FARS2: variants seen among roughly 807,000 people sequenced by gnomAD.
FARS2 encodes phenylalanyl-tRNA synthetase 2, mitochondrial, also known as phenylalanine--tRNA ligase, mitochondrial.
Under a neutral mutation model 46.4 loss-of-function variants are expected in FARS2, and 40 were observed. The observed-to-expected ratio is 0.86, with a 90% confidence interval of 0.67 to 1.12. The LOEUF is 1.12. Ranked by LOEUF, FARS2 falls within the 50% of genes most tolerant of loss-of-function variation. FARS2 has a pLI of 0.00. For missense variants in FARS2, 513 were observed against 567.9 expected, an observed-to-expected ratio of 0.90 and a Z score of 0.98; for synonymous variants, 234 against 214.9, an observed-to-expected ratio of 1.09 and a Z score of -0.78.
intron 6 of FARS2, among the ~76,000 whole-genome samples, chr6:5,680,434 A>G (rs1778975757): frequency 6.6e-6 from 1 of 152,220 alleles, no homozygotes; most frequent in African/African-American, 2.4e-5. Flanking sequence ...CATCTCTATC[A>G]ACAACACAGG....
intron 6 of FARS2, among the ~76,000 whole-genome samples, chr6:5,758,009 G>C (rs1020753854): frequency 1.3e-5 from 2 of 152,314 alleles, no homozygotes; most frequent in East Asian, 3.9e-4. Flanking sequence ...TGTTATGTTA[G>C]CTCTTCAGGT....
At chr6:5,632,472 C>T (rs561886752) in intron 6 of FARS2, among the ~76,000 whole-genome samples, 169 of 152,184 alleles carry the variant, frequency 1.1e-3, no homozygotes, top group African/African-American at 3.9e-3. Context: ...CTTAATGTAA[C>T]GACCACCGCT....
rs866603315 is a variant in FARS2 at position 5,299,108 on chromosome 6, G to A, written c.-22+37448G>A. On this transcript the variant is annotated intron_variant, in intron 1 of 6. Transcript: ENST00000274680. Reference sequence around the variant, plus strand: ...AGCCTTGCGTTTTGGAAGATAAAGAGCAACTGTTTGCTTGCCTAGATTTCA... The same window carrying A: ...AGCCTTGCGTTTTGGAAGATAAAGAACAACTGTTTGCTTGCCTAGATTTCA... Among the ~76,000 whole-genome samples, 3 of 152,160 alleles carry A rather than the reference G, an allele frequency of 2.0e-5. No homozygotes were observed. The South Asian group carries it at 6.2e-4, about 32-fold the overall frequency.
chr6:5,567,578 A>G (rs1035286998), intron 5 of FARS2, among the ~76,000 whole-genome samples: 1 of 152,222 alleles, frequency 6.6e-6, no homozygotes, highest in African/African-American at 2.4e-5. Flanking sequence ...TCTTCTAGAT[A>G]CATATCTATT....
chr6:5,622,422 C>G (rs1179180472), intron 6 of FARS2, among the ~76,000 whole-genome samples: 2 of 152,212 alleles, frequency 1.3e-5, no homozygotes. Flanking sequence ...ATAGTAAGTG[C>G]TATGGTTTGA....
At chr6:5,689,153 C>G (rs910634748) in intron 6 of FARS2, among the ~76,000 whole-genome samples, 2 of 152,172 alleles carry the variant, frequency 1.3e-5, no homozygotes, top group Non-Finnish European at 1.5e-5. Context: ...AAAAAACCAG[C>G]TCCTGGGTTC....
chr6:5,273,440 T>C (rs1766105792), intron 1 of FARS2, among the ~76,000 whole-genome samples: 1 of 152,218 alleles, frequency 6.6e-6, no homozygotes, highest in African/African-American at 2.4e-5. Context: ...TTTTCATGTA[T>C]CTACTGGCCA....
At chr6:5,399,754 T>A (rs186268664) in intron 2 of FARS2, among the ~76,000 whole-genome samples, 4 of 152,220 alleles carry the variant, frequency 2.6e-5, no homozygotes, top group African/African-American at 4.8e-5. Context: ...TTGCCTTTTT[T>A]ATTTATCAGG....
Position 5,576,476 on chromosome 6 carries a change from T to C in FARS2, c.1065+31136T>C, listed in dbSNP as rs184949460. On this transcript the variant is annotated intron_variant, in intron 5 of 6. Transcript: ENST00000274680. ...GCACTCGTACTGGCTTTCGTGCTCCTCAGCTTGCACATGGCCTATTTTGGG... is the reference window on the plus strand; with the variant it reads ...GCACTCGTACTGGCTTTCGTGCTCCCCAGCTTGCACATGGCCTATTTTGGG... 5.9e-5 allele frequency among the ~76,000 whole-genome samples: 9 copies of C among 151,952 alleles called. No homozygotes were observed. The East Asian group carries it at 1.7e-3, about 29-fold the overall frequency.
chr6:5,622,005 A>G (rs904330302), intron 6 of FARS2, among the ~76,000 whole-genome samples: 28 of 152,252 alleles, frequency 1.8e-4, no homozygotes, highest in African/African-American at 6.8e-4. Flanking sequence ...TTCATTATCC[A>G]GTGCAAATTC....
intron 1 of FARS2, among the ~76,000 whole-genome samples, chr6:5,354,198 C>G (rs1757768863): frequency 6.6e-6 from 1 of 152,010 alleles, no homozygotes; most frequent in East Asian, 1.9e-4. Flanking sequence ...AGGTCTTTAC[C>G]CAATTTCATT....
At chr6:5,388,470 TAATAA>T (rs1441587867) in intron 2 of FARS2, among the ~76,000 whole-genome samples, 2 of 152,212 alleles carry the variant, frequency 1.3e-5, no homozygotes, top group Admixed American at 6.5e-5. Flanking sequence ...CCATCGCCAG[TAATAA>T]AATAGTTCTC....
At chr6:5,735,996 C>A (rs1163373417) in intron 6 of FARS2, among the ~76,000 whole-genome samples, 1 of 152,142 alleles carries the variant, frequency 6.6e-6, no homozygotes. Context: ...AATGAATTAC[C>A]CCCCAAAACA....
intron 6 of FARS2, among the ~76,000 whole-genome samples, chr6:5,660,848 C>T (rs1468120667): frequency 6.6e-6 from 1 of 152,160 alleles, no homozygotes; most frequent in Non-Finnish European, 1.5e-5. Flanking sequence ...GAGGCTGAAA[C>T]GGGGCTGAGG....
chr6:5,755,263 A>AC (rs1253364448), intron 6 of FARS2, among the ~76,000 whole-genome samples: 2 of 152,160 alleles, frequency 1.3e-5, no homozygotes, highest in African/African-American at 4.8e-5. Flanking sequence ...GTTTTCTTAC[A>AC]CATGCCATGG....
chr6:5,288,921 A>G (rs928411858), intron 1 of FARS2, among the ~76,000 whole-genome samples: 10 of 152,188 alleles, frequency 6.6e-5, no homozygotes, highest in Non-Finnish European at 1.0e-4. Context: ...TTGTAAACAT[A>G]TATAGCTGTA....
At chr6:5,325,081 G>T (rs1217165093) in intron 1 of FARS2, among the ~76,000 whole-genome samples, 1 of 152,146 alleles carries the variant, frequency 6.6e-6, no homozygotes. Flanking sequence ...TTTTGGTTTT[G>T]TTCGGTCTTT....
intron 6 of FARS2, among the ~76,000 whole-genome samples, chr6:5,707,459 G>T (rs1758831246): frequency 6.6e-6 from 1 of 152,170 alleles, no homozygotes; most frequent in Non-Finnish European, 1.5e-5. Context: ...CAGAGATATT[G>T]TAGATAATTC....
At chr6:5,558,867 T>A (rs1417619475) in intron 5 of FARS2, among the ~76,000 whole-genome samples, 1 of 152,128 alleles carries the variant, frequency 6.6e-6, no homozygotes, top group Non-Finnish European at 1.5e-5. Context: ...TAATTCACTG[T>A]CCTTTATGGT....
Sources: gnomAD v4.1 joint callset for allele counts (sites outside exome capture counted in the v4.1 genomes callset) on GRCh38, gnomAD v4.1.1 for gene constraint, MANE v1.5 for transcripts, NCBI Gene and HGNC (gene_info 2026-07-23, HGNC 2026-07-21) for gene names.